Variants in CLHC1 observed in about 807,000 individuals in gnomAD.
CLHC1 encodes the protein clathrin heavy chain linker domain-containing protein 1.
In CLHC1, 72 loss-of-function variants were observed where a neutral mutation model predicts 69.5. That is an observed-to-expected ratio of 1.04 (90% CI 0.86 to 1.26). CLHC1 has a LOEUF of 1.26. Among genes scored for constraint, CLHC1 ranks in the 50% most tolerant of loss-of-function variants. The pLI is 0.00. For missense variants in CLHC1, 790 were observed against 679.3 expected (o/e 1.16, Z -1.81); for synonymous variants, 223 against 224.3 (o/e 0.99, Z 0.05).
chr2:55,211,886 T>C (rs1673045854), intron 5 of CLHC1, among the ~76,000 whole-genome samples: 1 of 152,212 alleles, frequency 6.6e-6, no homozygotes, highest in Non-Finnish European at 1.5e-5. Flanking sequence ...CAGTGAATGC[T>C]GACATCAACA....
chr2:55,183,269 A>G (rs1384141749), intron 9 of CLHC1, among the ~76,000 whole-genome samples: 1 of 152,244 alleles, frequency 6.6e-6, no homozygotes, highest in East Asian at 1.9e-4. Flanking sequence ...TTGGGTACCT[A>G]AAAATAAAAC....
At chr2:55,189,467 T>C (rs546194413) in intron 9 of CLHC1, among the ~76,000 whole-genome samples, 6 of 152,250 alleles carry the variant, frequency 3.9e-5, no homozygotes, top group South Asian at 2.1e-4. Context: ...CAGTGAAGGA[T>C]AGTGATCCTT....
chr2:55,213,601 TA>T (rs76147812), intron 4 of CLHC1, among the ~76,000 whole-genome samples: 1 of 115,086 alleles, frequency 8.7e-6, no homozygotes, highest in East Asian at 2.7e-4. Context: ...TTCCCTGAGA[TA>T]AAACTAAGTT....
At chr2:55,209,543 A>G (rs368235778) in intron 6 of CLHC1, 27 bp from the exon 7 acceptor site, 142 of 1,577,776 alleles carry the variant, frequency 9.0e-5, no homozygotes, top group Middle Eastern at 1.7e-4. Context: ...CGTCAATAAC[A>G]CACTGAGCCT....
chr2:55,188,745 TTTAAAATA>T (rs372181477), intron 9 of CLHC1, among the ~76,000 whole-genome samples: 87 of 151,208 alleles, frequency 5.8e-4, no homozygotes, highest in African/African-American at 2.0e-3. Flanking sequence ...ATCTAGAAGA[TTTAAAATA>T]AACCACAGCT....
intron 3 of CLHC1, chr2:55,218,748 A>C (rs1258228317): frequency 6.6e-6 from 1 of 152,224 alleles, no homozygotes; most frequent in East Asian, 1.9e-4. Flanking sequence ...TTTTTAAATA[A>C]GTCAAAAAAT....
chr2:55,181,068 C>A (rs1437566914), intron 10 of CLHC1, among the ~76,000 whole-genome samples: 2 of 152,094 alleles, frequency 1.3e-5, no homozygotes, highest in Non-Finnish European at 2.9e-5. Flanking sequence ...GAAACCTCTG[C>A]CTCCCTGGTT....
intron 9 of CLHC1, among the ~76,000 whole-genome samples, chr2:55,204,424 C>T (rs1262652145): frequency 6.6e-6 from 1 of 152,186 alleles, no homozygotes; most frequent in Non-Finnish European, 1.5e-5. Flanking sequence ...ATCATCTCAG[C>T]CCACTTAAAA....
At chr2:55,223,861 TCTC>T (rs1674423145) in intron 2 of CLHC1, 1 of 151,950 alleles carries the variant, frequency 6.6e-6, no homozygotes, top group African/African-American at 2.4e-5. Context: ...AGCGGCGAGA[TCTC>T]AGCTCACTGC....
chr2:55,209,203 A>G (rs1672744500), intron 7 of CLHC1, among the ~76,000 whole-genome samples: 1 of 151,976 alleles, frequency 6.6e-6, no homozygotes, highest in African/African-American at 2.4e-5. Context: ...ATTTTCAGGC[A>G]TTCTGTCTTT....
rs1401164644 is a variant in CLHC1, at chr2:55,217,682, A to G, written c.365+129T>C. 2.9e-5 allele frequency: 15 copies of G among 517,316 alleles called. No homozygotes were observed. The Admixed American group carries it at 6.0e-4, about 21-fold the overall frequency. The allele number at this position is 517,316 out of a possible 1,614,324, so 32.0% of individuals were successfully genotyped here. On this transcript the variant is annotated intron_variant, in intron 4 of 12. Transcript: ENST00000401408. ...CTTCAAGTTACTAGGAGAAGGTAAC[A>G]TAAAAATGCATCATTTAAATAAAAT...
intron 9 of CLHC1, among the ~76,000 whole-genome samples, chr2:55,187,279 CAAATAAAATAAAATA>C (rs58159859): frequency 7.8e-4 from 99 of 127,380 alleles, no homozygotes; most frequent in Non-Finnish European, 1.1e-3. Flanking sequence ...AACTCCATCT[CAAATAAAATAAAATA>C]AAATAAAATA....
intron 9 of CLHC1, among the ~76,000 whole-genome samples, chr2:55,201,365 G>A (rs1364303571): frequency 2.0e-5 from 3 of 151,942 alleles, no homozygotes; most frequent in Non-Finnish European, 4.4e-5. Context: ...AAATTCAAAG[G>A]AGCCTTATAG....
chr2:55,197,592 A>G (rs1671546050), intron 9 of CLHC1, among the ~76,000 whole-genome samples: 1 of 152,208 alleles, frequency 6.6e-6, no homozygotes, highest in Non-Finnish European at 1.5e-5. Context: ...TTCTCTGGTA[A>G]TACAGAGAAT....
At position 55,172,901 on chromosome 2, in the gene CLHC1, G is replaced by T. The variant is rs117391002; in HGVS notation, c.*2889C>A. Among the ~76,000 whole-genome samples the T allele has an allele frequency of 6.6e-6, 1 of 152,102 alleles. No individual in the cohort carries two copies. The highest frequency in any genetic ancestry group is 1.5e-5 in the Non-Finnish European group (1 of 68,004). The stretch of plus-strand genomic sequence containing the variant: ...TAAAAAAATTTTTTTCATTAGACTA[G>T]ACTTCTGTTCAACATCTCTAAACCT... On this transcript the variant is annotated 3_prime_UTR_variant, in exon 13 of 13. Transcript: ENST00000401408.
chr2:55,191,626 T>A (rs1359487427), intron 9 of CLHC1, among the ~76,000 whole-genome samples: 3 of 152,116 alleles, frequency 2.0e-5, no homozygotes, highest in Non-Finnish European at 2.9e-5. Context: ...ATTCTATACA[T>A]CAAGTGGTAT....
rs571285443 is a variant in CLHC1, at chr2:55,193,183, C to T, written c.1007-11439G>A. Among the ~76,000 whole-genome samples, 14 of 152,146 alleles carry T rather than the reference C, an allele frequency of 9.2e-5. 1 individual carries two copies. The highest frequency in any genetic ancestry group is 3.4e-3 in the Middle Eastern group (1 of 294). On this transcript the variant is annotated intron_variant, in intron 9 of 12. Transcript: ENST00000401408. ...CTGGGATTATAGGCGTGAACCACCG[C>T]GCCTGGACAGATCTCTATGATCTTA...
Position 55,172,853 on chromosome 2 carries a change from G to A in CLHC1, c.*2937C>T, listed in dbSNP as rs1669072716. Among the ~76,000 whole-genome samples, 1 of 152,104 alleles carries A rather than the reference G, an allele frequency of 6.6e-6. No individual in the cohort carries two copies. Among genetic ancestry groups the A allele is most frequent in the Non-Finnish European group, 1.5e-5 (1 of 68,018 alleles). Reference sequence around the variant, plus strand: ...AATGGTCATTTCTTAGTTAATTCAGGATTTAGGAAAAGTTCTAAATATTAA... The same window carrying A: ...AATGGTCATTTCTTAGTTAATTCAGAATTTAGGAAAAGTTCTAAATATTAA... On this transcript the variant is annotated 3_prime_UTR_variant, in exon 13 of 13. Transcript: ENST00000401408.
At chr2:55,220,665 A>T (rs951332952) in intron 3 of CLHC1, among the ~76,000 whole-genome samples, 14 of 152,206 alleles carry the variant, frequency 9.2e-5, no homozygotes, top group Non-Finnish European at 1.6e-4. Context: ...ATTAATGTAA[A>T]GCAGAGAGCT....
Sources: allele counts gnomAD v4.1 joint callset (sites outside exome capture counted in the v4.1 genomes callset), GRCh38; gene constraint gnomAD v4.1.1; transcripts MANE v1.5; gene names NCBI Gene and HGNC (gene_info 2026-07-23, HGNC 2026-07-21).